Variants in WWOX observed in about 807,000 individuals in gnomAD.
WWOX encodes WW domain containing oxidoreductase.
In WWOX, 69 loss-of-function variants were observed where a neutral mutation model predicts 46.2. That is an observed-to-expected ratio of 1.49 (90% confidence interval 1.23 to 1.82). The LOEUF (loss-of-function observed/expected upper bound fraction) is 1.82, where lower values mean the gene tolerates loss of function less well. Ranked by LOEUF, WWOX falls within the 40% of genes most tolerant of loss-of-function variation. The pLI is 0.00. For synonymous variants in WWOX, 359 were observed against 202.6 expected (o/e 1.77, Z -6.56); for missense variants, 919 against 542.6 (o/e 1.69, Z -6.89).
intron 4 of WWOX, among the ~76,000 whole-genome samples, chr16:78,136,008 T>G (rs2033778425): frequency 6.6e-6 from 1 of 152,210 alleles, no homozygotes; most frequent in African/African-American, 2.4e-5. Flanking sequence ...GGTGCTTTTA[T>G]GAGGCAGGCT....
At chr16:78,324,128 G>A (rs896084006) in intron 5 of WWOX, among the ~76,000 whole-genome samples, 1 of 152,048 alleles carries the variant, frequency 6.6e-6, no homozygotes, top group African/African-American at 2.4e-5. Context: ...ACGTCTGTCT[G>A]CTTGATTCCA....
intron 8 of WWOX, among the ~76,000 whole-genome samples, chr16:78,471,680 A>AT (rs1306842277): frequency 2.0e-5 from 3 of 152,076 alleles, no homozygotes; most frequent in Admixed American, 6.5e-5. Context: ...GAAAATCTTT[A>AT]TTTGGGCCAC....
At chr16:79,201,998 C>T (rs1053594049) in intron 8 of WWOX, among the ~76,000 whole-genome samples, 6 of 152,174 alleles carry the variant, frequency 3.9e-5, no homozygotes, top group South Asian at 2.1e-4. Context: ...CAGTCTTAAT[C>T]GTGTGTAGAG....
chr16:79,013,299 C>G (rs1208399011), intron 8 of WWOX, among the ~76,000 whole-genome samples: 1 of 152,108 alleles, frequency 6.6e-6, no homozygotes. Context: ...TCCTCATGCG[C>G]TCTGATCTGC....
At chr16:78,594,737 C>G (rs1006415975) in intron 8 of WWOX, among the ~76,000 whole-genome samples, 1 of 152,078 alleles carries the variant, frequency 6.6e-6, no homozygotes, top group African/African-American at 2.4e-5. Flanking sequence ...TAGGCTACCT[C>G]CAACTTGACA....
intron 8 of WWOX, among the ~76,000 whole-genome samples, chr16:78,853,897 C>A (rs1026684395): frequency 6.6e-6 from 1 of 152,126 alleles, no homozygotes; most frequent in Admixed American, 6.5e-5. Flanking sequence ...AAGATTCAGA[C>A]ATTGATGTAA....
chr16:78,523,469 C>T (rs2043392489), intron 8 of WWOX, among the ~76,000 whole-genome samples: 1 of 152,160 alleles, frequency 6.6e-6, no homozygotes, highest in Non-Finnish European at 1.5e-5. Context: ...AGCTGAAGGT[C>T]ACGGGCTTAG....
At chr16:78,422,736 CACATATATAT>C (rs1482957627) in intron 6 of WWOX, among the ~76,000 whole-genome samples, 5 of 108,900 alleles carry the variant, frequency 4.6e-5, no homozygotes, top group African/African-American at 2.6e-4. Flanking sequence ...TATATACACA[CACATATATAT>C]ACACATATAT....
intron 8 of WWOX, among the ~76,000 whole-genome samples, chr16:79,111,802 C>T (rs1233306529): frequency 2.6e-5 from 4 of 152,204 alleles, no homozygotes; most frequent in Non-Finnish European, 2.9e-5. Context: ...ATAGACCACA[C>T]CATCCCATGA....
chr16:78,642,602 A>G (rs560399583), intron 8 of WWOX, among the ~76,000 whole-genome samples: 11 of 152,172 alleles, frequency 7.2e-5, no homozygotes, highest in African/African-American at 2.6e-4. Context: ...TTGAGTCTCC[A>G]TGTTTTTGTC....
intron 8 of WWOX, among the ~76,000 whole-genome samples, chr16:78,764,216 T>C (rs2049870860): frequency 6.6e-6 from 1 of 152,076 alleles, no homozygotes; most frequent in African/African-American, 2.4e-5. Flanking sequence ...TACCCTGTTT[T>C]GAAGTGCGGC....
At chr16:78,700,437 C>T (rs2048189555) in intron 8 of WWOX, among the ~76,000 whole-genome samples, 1 of 151,944 alleles carries the variant, frequency 6.6e-6, no homozygotes, top group African/African-American at 2.4e-5. Flanking sequence ...GCCCTACCTC[C>T]AAACACCATC....
At chr16:78,992,407 C>T (rs2046906260) in intron 8 of WWOX, among the ~76,000 whole-genome samples, 1 of 152,118 alleles carries the variant, frequency 6.6e-6, no homozygotes, top group Non-Finnish European at 1.5e-5. Context: ...GCAGAGGTTG[C>T]AGTGAACCCA....
At chr16:79,048,404 C>G (rs935394648) in intron 8 of WWOX, among the ~76,000 whole-genome samples, 2 of 152,086 alleles carry the variant, frequency 1.3e-5, no homozygotes, top group Non-Finnish European at 2.9e-5. Context: ...CTTGGTTCAG[C>G]AGCAACTGAT....
At chr16:78,334,819 C>G (rs1402441478) in intron 5 of WWOX, among the ~76,000 whole-genome samples, 1 of 90,860 alleles carries the variant, frequency 1.1e-5, no homozygotes, top group Non-Finnish European at 2.4e-5. Context: ...CACACACACA[C>G]ACACACACAC....
chr16:78,840,017 G>C (rs1017039570), intron 8 of WWOX, among the ~76,000 whole-genome samples: 9 of 152,190 alleles, frequency 5.9e-5, no homozygotes, highest in African/African-American at 1.7e-4. Context: ...CAGTTTCTTC[G>C]TCTTTGAGTA....
chr16:78,326,361 C>G lies in WWOX; in HGVS notation c.517-60499C>G, dbSNP rs140043876. On this transcript the variant is annotated intron_variant, in intron 5 of 8. Coordinates refer to ENST00000566780, the MANE Select transcript of WWOX (RefSeq NM_016373.4). ...GATATGCCAATTTGGCATATTCTGT[C>G]TTTTTATATTCTGCCACCCCTATCA... Among the ~76,000 whole-genome samples the G allele has an allele frequency of 6.7e-3, 1,026 of 152,254 alleles. 8 individuals carry two copies. Among genetic ancestry groups the G allele is most frequent in the Non-Finnish European group, 0.012 (829 of 68,008 alleles).
At chr16:79,054,468 G>T (rs2048225906) in intron 8 of WWOX, among the ~76,000 whole-genome samples, 1 of 152,128 alleles carries the variant, frequency 6.6e-6, no homozygotes, top group South Asian at 2.1e-4. Context: ...AAATGCGCGT[G>T]TTGCAATTTC....
At chr16:78,725,141 G>C (rs1032516732) in intron 8 of WWOX, among the ~76,000 whole-genome samples, 1 of 151,876 alleles carries the variant, frequency 6.6e-6, no homozygotes, top group African/African-American at 2.4e-5. Flanking sequence ...GAGATCTGAT[G>C]GTTTTATAAG....
Sources: gnomAD v4.1 joint callset for allele counts (sites outside exome capture counted in the v4.1 genomes callset) on GRCh38, gnomAD v4.1.1 for gene constraint, MANE v1.5 for transcripts, NCBI Gene and HGNC (gene_info 2026-07-23, HGNC 2026-07-21) for gene names.